Variants in FNTB observed in about 807,000 individuals in gnomAD.
The protein encoded by FNTB is farnesyltransferase, CAAX box, subunit beta.
A neutral mutation model predicts 59.4 loss-of-function variants in FNTB; 27 were observed. That is an observed-to-expected ratio of 0.45 (90% confidence interval 0.34 to 0.63). The LOEUF (loss-of-function observed/expected upper bound fraction) is 0.63, where lower values mean the gene tolerates loss of function less well. FNTB is among the 20% of genes least tolerant of loss of function. The pLI is 0.02. For synonymous variants in FNTB, 230 were observed against 220.7 expected, an observed-to-expected ratio of 1.04 and a Z score of -0.37; for missense variants, 449 against 559.6, an observed-to-expected ratio of 0.80 and a Z score of 1.99.
chr14:65,040,967 A>G, intron 8 of FNTB, 48 bp downstream of exon 8: 2 of 1,600,846 alleles, frequency 1.2e-6, no homozygotes, highest in South Asian at 2.2e-5. Context: ...GGTCATGGTG[A>G]TGTGATTGTA....
Position 65,027,632 on chromosome 14 carries a change from G to T in FNTB, c.521+33G>T. 1 of 1,614,102 alleles carries T rather than the reference G, an allele frequency of 6.2e-7. No individual in the cohort carries two copies. The highest frequency in any genetic ancestry group is 8.5e-7 in the Non-Finnish European group (1 of 1,179,962). The stretch of plus-strand genomic sequence containing the variant: ...GAAAGCCAGCAGTGACAGAAACCTA[G>T]AGGAGTTCCCCGCCTGCTGACACGC... On this transcript the variant is annotated intron_variant, in intron 5 of 11. Coordinates refer to ENST00000246166, the MANE Select transcript of FNTB (RefSeq NM_002028.4). The surrounding 1 kb of genome is among the most constrained non-coding windows in gnomAD (Gnocchi z 5.7).
At chr14:65,048,237 C>T (rs1012672528) in intron 9 of FNTB, among the ~76,000 whole-genome samples, 4 of 151,682 alleles carry the variant, frequency 2.6e-5, no homozygotes, top group African/African-American at 9.7e-5. Flanking sequence ...CCTTCCTTGG[C>T]CACACAAAGT....
At chr14:65,019,657 G>A (rs780588687) in intron 4 of FNTB, among the ~76,000 whole-genome samples, 28 of 152,190 alleles carry the variant, frequency 1.8e-4, no homozygotes, top group Admixed American at 6.5e-4. Context: ...CTTCACAGAT[G>A]CCTTAAAAGC....
At chr14:64,988,655 C>G (rs1888055886) in intron 1 of FNTB, among the ~76,000 whole-genome samples, 1 of 152,236 alleles carries the variant, frequency 6.6e-6, no homozygotes, top group South Asian at 2.1e-4. Context: ...TGGTTTTGAA[C>G]TCCTGACCTC....
Position 65,030,435 on chromosome 14 carries a change from A to C in FNTB, c.606-2175A>C, listed in dbSNP as rs547024478. Among the ~76,000 whole-genome samples the C allele has an allele frequency of 6.6e-6, 1 of 152,272 alleles. No individual in the cohort carries two copies. Among genetic ancestry groups the C allele is most frequent in the South Asian group, 2.1e-4 (1 of 4,830 alleles). On this transcript the variant is annotated intron_variant, in intron 6 of 11. Transcript: ENST00000246166. This position sits in a 1 kb window ranked among gnomAD's most constrained non-coding sequence, Gnocchi z 4.5. ...AAGTCTGACTTCATGTTATATCTAT[A>C]CTGAGTAAGATGGAAACCAGGGCCG... is the stretch of plus-strand genomic sequence containing the variant.
chr14:65,041,435 C>T (rs1022880568), intron 8 of FNTB, among the ~76,000 whole-genome samples: 1 of 152,168 alleles, frequency 6.6e-6, no homozygotes, highest in African/African-American at 2.4e-5. Context: ...ACTCAGAAAG[C>T]AGTCAGCTTC....
intron 1 of FNTB, among the ~76,000 whole-genome samples, chr14:65,000,059 CT>C (rs922980336): frequency 9.2e-5 from 14 of 152,326 alleles, no homozygotes; most frequent in South Asian, 2.1e-4. Flanking sequence ...GAGTTCCTGG[CT>C]GGGAGCTTTC....
intron 4 of FNTB, among the ~76,000 whole-genome samples, chr14:65,018,914 C>T (rs1186718593): frequency 1.3e-5 from 2 of 152,022 alleles, no homozygotes; most frequent in Non-Finnish European, 2.9e-5. Flanking sequence ...AGTTTGAGAC[C>T]AGCCTGGCCA....
At position 65,061,669 on chromosome 14, in the gene FNTB, CCCACT is replaced by C; in HGVS notation, c.*358_*362del. 58 of 204,340 alleles carry C rather than the reference CCCACT, an allele frequency of 2.8e-4. No individual in the cohort carries two copies. The highest frequency in any genetic ancestry group is 9.5e-4 in the East Asian group (9 of 9,480). 12.7% of individuals were successfully genotyped at this position (204,340 alleles called of 1,614,324 possible). ...ACGGCATCCAGAGCCACTGCTGACT[CCCACT>C]TGCACGCCACCATTCAGTCACCAGA... On this transcript the variant is annotated 3_prime_UTR_variant, in exon 12 of 12. Coordinates refer to ENST00000246166, the MANE Select transcript of FNTB (RefSeq NM_002028.4).
intron 7 of FNTB, among the ~76,000 whole-genome samples, chr14:65,033,794 T>G (rs2062134015): frequency 6.6e-6 from 1 of 152,046 alleles, no homozygotes; most frequent in African/African-American, 2.4e-5. Context: ...GAGGCGGAGC[T>G]TGCAGTGAGC....
Position 65,044,627 on chromosome 14 carries a change from G to T in FNTB, c.955+184G>T. The T allele has an allele frequency of 2.3e-6, 2 of 875,748 alleles. No individual in the cohort carries two copies. The highest frequency in any genetic ancestry group is 3.2e-6 in the Non-Finnish European group (2 of 618,028). The allele number at this position is 875,748 out of a possible 1,614,324, so 54.2% of individuals were successfully genotyped here. A position where few individuals can be genotyped will look rare whatever the true frequency, so the allele number is the denominator to read the frequency against. On this transcript the variant is annotated intron_variant, in intron 9 of 11. Coordinates refer to ENST00000246166, the MANE Select transcript of FNTB (RefSeq NM_002028.4). The surrounding 1 kb of genome is among the most constrained non-coding windows in gnomAD (Gnocchi z 5.5). ...ATGCAGAGTAAGATTTAGTTTCATT[G>T]GTTTAGTGTCATTCTTTGCTTCTTC...
At chr14:65,034,812 A>C (rs1190990906) in intron 7 of FNTB, among the ~76,000 whole-genome samples, 3 of 152,230 alleles carry the variant, frequency 2.0e-5, no homozygotes, top group African/African-American at 7.2e-5. Flanking sequence ...TGTCAGCTCC[A>C]TGAGTCTTCC....
chr14:65,037,096 G>A (rs1461293618), intron 7 of FNTB, among the ~76,000 whole-genome samples: 1 of 149,782 alleles, frequency 6.7e-6, no homozygotes, highest in Non-Finnish European at 1.5e-5. Flanking sequence ...TGTTTTCTGT[G>A]TTTGCTCTTT....
chr14:65,025,127 C>G (rs535962699), intron 4 of FNTB, among the ~76,000 whole-genome samples: 1 of 152,272 alleles, frequency 6.6e-6, no homozygotes, highest in East Asian at 1.9e-4. Flanking sequence ...CTCCAGTTCT[C>G]TAGCACAGCC....
At position 64,991,636 on chromosome 14, in the gene FNTB, G is replaced by A. The variant is rs72728221; in HGVS notation, c.144+4539G>A. Among the ~76,000 whole-genome samples, 13,662 of 152,198 alleles carry A rather than the reference G, an allele frequency of 0.09. 756 individuals carry two copies. Among genetic ancestry groups the A allele is most frequent in the Admixed American group, 0.15 (2,234 of 15,282 alleles). On this transcript the variant is annotated intron_variant, in intron 1 of 11. Coordinates refer to ENST00000246166, the MANE Select transcript of FNTB (RefSeq NM_002028.4). This position sits in a 1 kb window ranked among gnomAD's most constrained non-coding sequence, Gnocchi z 4.4. ...AAAAAAATAAGAAGAATATGCTATA[G>A]GCAGTCACAGAGTGCTAAATTATAA...
intron 4 of FNTB, among the ~76,000 whole-genome samples, chr14:65,020,120 T>C (rs1421217611): frequency 6.6e-6 from 1 of 152,248 alleles, no homozygotes; most frequent in Non-Finnish European, 1.5e-5. Context: ...TTCACTGCTG[T>C]GCTTCTATTT....
intron 11 of FNTB, among the ~76,000 whole-genome samples, chr14:65,060,556 C>T (rs1246723226): frequency 7.8e-6 from 1 of 127,392 alleles, no homozygotes; most frequent in Non-Finnish European, 1.5e-5. Flanking sequence ...ATTAGCCGGG[C>T]GTAGTGGCGG....
chr14:65,058,300 A>G (rs182813459), intron 11 of FNTB, among the ~76,000 whole-genome samples: 2 of 147,316 alleles, frequency 1.4e-5, no homozygotes, highest in East Asian at 2.0e-4. Context: ...TACAGTTTTC[A>G]TGTCTCTTGT....
intron 11 of FNTB, among the ~76,000 whole-genome samples, chr14:65,055,373 T>C (rs1370755591): frequency 6.6e-6 from 1 of 152,036 alleles, no homozygotes; most frequent in African/African-American, 2.4e-5. Context: ...TGTCATGAAT[T>C]TTTGTGTGCA....
Sources: gnomAD v4.1 joint callset for allele counts (sites outside exome capture counted in the v4.1 genomes callset) on GRCh38, gnomAD v4.1.1 for gene constraint, Gnocchi (gnomAD v3.1) non-coding constraint, MANE v1.5 for transcripts, NCBI Gene and HGNC (gene_info 2026-07-23, HGNC 2026-07-21) for gene names.